Variants in SLC36A4 observed in about 807,000 individuals in gnomAD.
SLC36A4 encodes solute carrier family 36 member 4.
A neutral mutation model predicts 50.5 loss-of-function variants in SLC36A4; 49 were observed. The observed-to-expected ratio is 0.97, with a 90% confidence interval of 0.77 to 1.23. The LOEUF (loss-of-function observed/expected upper bound fraction) is 1.23, where lower values mean the gene tolerates loss of function less well. SLC36A4 is among the 50% of genes most tolerant of loss of function. The pLI is 0.00. For missense variants in SLC36A4, 611 were observed against 608.4 expected, an observed-to-expected ratio of 1.00 and a Z score of -0.05; for synonymous variants, 207 against 206.5, an observed-to-expected ratio of 1.00 and a Z score of -0.02.
chr11:93,176,133 T>A (rs1350153404), intron 6 of SLC36A4, among the ~76,000 whole-genome samples: 3 of 150,932 alleles, frequency 2.0e-5, no homozygotes, highest in Non-Finnish European at 4.4e-5. Flanking sequence ...TGGGTGCTCC[T>A]GTATTGGGTG....
At chr11:93,167,370 T>C (rs1860921882) in intron 7 of SLC36A4, 2 of 152,108 alleles carry the variant, frequency 1.3e-5, no homozygotes, top group African/African-American at 4.8e-5. Flanking sequence ...ATACTAAATC[T>C]TGCAAACTAT....
intron 9 of SLC36A4, chr11:93,159,785 G>T (rs1309970051): frequency 1.0e-6 from 1 of 981,584 alleles, no homozygotes; most frequent in Non-Finnish European, 1.2e-6. Flanking sequence ...TAATAACTTG[G>T]AGCTTCTCTA....
chr11:93,162,986 C>T (rs1860700544), intron 8 of SLC36A4, 111 bp from the exon 9 acceptor site: 1 of 810,418 alleles, frequency 1.2e-6, no homozygotes, highest in Non-Finnish European at 1.9e-6. Context: ...AATTTTTTTC[C>T]TTTAAAACAC....
At chr11:93,159,894 G>C in intron 9 of SLC36A4, 6 of 985,302 alleles carry the variant, frequency 6.1e-6, no homozygotes, top group Non-Finnish European at 6.0e-6. Flanking sequence ...TGTACCAAAA[G>C]CCCTTTACAG....
chr11:93,182,754 T>C, intron 4 of SLC36A4, 52 bp downstream of exon 4: 1 of 1,331,538 alleles, frequency 7.5e-7, no homozygotes, highest in Non-Finnish European at 1.1e-6. Context: ...TATCTGATGC[T>C]GTAAATAAAA....
At chr11:93,160,054 T>A in intron 9 of SLC36A4, 1 of 985,404 alleles carries the variant, frequency 1.0e-6, no homozygotes, top group African/African-American at 1.7e-5. Flanking sequence ...GAGACTCGTA[T>A]ATAGTATATT....
intron 8 of SLC36A4, among the ~76,000 whole-genome samples, 153 bp from the exon 9 acceptor site, chr11:93,163,028 T>C (rs572003410): frequency 6.6e-6 from 1 of 152,344 alleles, no homozygotes; most frequent in East Asian, 1.9e-4. Context: ...TCCATTGCTA[T>C]ATATTTATAC....
chr11:93,158,276 AGTTT>A (rs1860456685), intron 9 of SLC36A4, among the ~76,000 whole-genome samples: 1 of 152,182 alleles, frequency 6.6e-6, no homozygotes, highest in Admixed American at 6.5e-5. Flanking sequence ...TTAGTTAATT[AGTTT>A]AACAGGACAT....
chr11:93,182,553 T>C (rs1861783616), intron 4 of SLC36A4, among the ~76,000 whole-genome samples: 2 of 152,132 alleles, frequency 1.3e-5, no homozygotes, highest in African/African-American at 4.8e-5. Flanking sequence ...TGCCTCTATA[T>C]ATCTTTTCTA....
At position 93,180,876 on chromosome 11, in the gene SLC36A4, A is replaced by T; in HGVS notation, c.461T>A (p.Val154Glu). Residue 154 changes from valine to glutamate, a missense_variant, in exon 6 of 11, where the codon GTG becomes GAG. Coordinates refer to ENST00000326402, the MANE Select transcript of SLC36A4 (RefSeq NM_152313.4). ...LQKQAAWGRS[V>E]VDFFLVITQL... ...TGTTATCACCAGAAAAAAGTCAACC[A>T]CACTCCTGAAAAAAGATATCCACAA... The T allele has an allele frequency of 6.2e-7, 1 of 1,609,848 alleles. No individual in the cohort carries two copies. The highest frequency in any genetic ancestry group is 8.5e-7 in the Non-Finnish European group (1 of 1,176,514).
chr11:93,185,937 G>C (rs923258488), intron 1 of SLC36A4, 123 bp from the exon 2 acceptor site: 9 of 797,390 alleles, frequency 1.1e-5, no homozygotes, highest in African/African-American at 1.8e-5. Flanking sequence ...TCCATCCTAA[G>C]TTAGTTCATA....
intron 6 of SLC36A4, among the ~76,000 whole-genome samples, chr11:93,177,331 T>C (rs1861524757): frequency 6.6e-6 from 1 of 152,194 alleles, no homozygotes; most frequent in Non-Finnish European, 1.5e-5. Flanking sequence ...TCACTATTTA[T>C]TCCAGTTAGC....
chr11:93,182,674 C>T, intron 4 of SLC36A4, 132 bp downstream of exon 4: 1 of 516,450 alleles, frequency 1.9e-6, no homozygotes, highest in East Asian at 3.2e-5. Context: ...TACCTTCTTC[C>T]ATATTCATTA....
chr11:93,197,687 C>T, intron 1 of SLC36A4, 91 bp downstream of exon 1: 1 of 1,395,158 alleles, frequency 7.2e-7, no homozygotes, highest in Non-Finnish European at 9.7e-7. Context: ...TCAGGCCAAG[C>T]GCGGGGCCCC....
intron 8 of SLC36A4, among the ~76,000 whole-genome samples, chr11:93,165,073 T>C (rs1411054157): frequency 6.6e-6 from 1 of 152,136 alleles, no homozygotes; most frequent in Non-Finnish European, 1.5e-5. Context: ...CTGTGAAAAT[T>C]TGTAAGAATT....
At chr11:93,188,146 T>C (rs1475880408) in intron 1 of SLC36A4, among the ~76,000 whole-genome samples, 1 of 152,206 alleles carries the variant, frequency 6.6e-6, no homozygotes, top group Non-Finnish European at 1.5e-5. Flanking sequence ...TATAGATAAT[T>C]TGAGGTTCAT....
rs79608266 is a variant in SLC36A4, at chr11:93,165,786, A to C, written c.867+132T>G. On this transcript the variant is annotated intron_variant, in intron 8 of 10. Coordinates refer to ENST00000326402, the MANE Select transcript of SLC36A4 (RefSeq NM_152313.4). ...CTAAACTATAATTCTAATCTATCAC[A>C]CCAAATTGGAAATCATGTAAAGAAA... The C allele has an allele frequency of 2.4e-3, 1,347 of 552,222 alleles. 8 individuals are homozygous for C. Among genetic ancestry groups the C allele is most frequent in the African/African-American group, 0.022 (1,142 of 52,982 alleles). The allele number at this position is 552,222 out of a possible 1,614,324, so 34.2% of individuals were successfully genotyped here. A position where few individuals can be genotyped will look rare whatever the true frequency, so the allele number is the denominator to read the frequency against.
At chr11:93,171,113 CCTGA>C (rs1244264301) in intron 6 of SLC36A4, 1 of 151,580 alleles carries the variant, frequency 6.6e-6, no homozygotes, top group Admixed American at 6.6e-5. Flanking sequence ...CTTTCTCAAG[CCTGA>C]CTGCCTTTTT....
chr11:93,150,661 T>A (rs1449610145), intron 10 of SLC36A4, among the ~76,000 whole-genome samples: 1 of 152,066 alleles, frequency 6.6e-6, no homozygotes, highest in Non-Finnish European at 1.5e-5. Context: ...AAATACTTTA[T>A]AAAGTAGATT....
Sources: gnomAD v4.1 joint callset for allele counts (sites outside exome capture counted in the v4.1 genomes callset) on GRCh38, gnomAD v4.1.1 for gene constraint, MANE v1.5 for transcripts, NCBI Gene and HGNC (gene_info 2026-07-23, HGNC 2026-07-21) for gene names.